Variants in MYLK3 observed in about 807,000 individuals in gnomAD.
MYLK3 encodes myosin light chain kinase 3.
A neutral mutation model predicts 76.3 loss-of-function variants in MYLK3; 55 were observed. The ratio of observed to expected loss-of-function variants is 0.72; its 90% confidence interval spans 0.58 to 0.90. The LOEUF (loss-of-function observed/expected upper bound fraction) is 0.90. MYLK3 is among the 40% of genes least tolerant of loss of function. The pLI, the probability that MYLK3 is intolerant of heterozygous loss-of-function variation, is 0.00. For missense variants in MYLK3, 973 were observed against 1,053.6 expected (o/e 0.92, Z 1.06); for synonymous variants, 416 against 425.4 (o/e 0.98, Z 0.27).
chr16:46,708,556 G>A (rs1380996070), intron 12 of MYLK3, among the ~76,000 whole-genome samples: 1 of 152,112 alleles, frequency 6.6e-6, no homozygotes, highest in African/African-American at 2.4e-5. Flanking sequence ...CTGAACTCAA[G>A]TGATCCTCCC....
chr16:46,707,919 A>C (rs1966642951), intron 12 of MYLK3, among the ~76,000 whole-genome samples, 156 bp from the exon 13 acceptor site: 1 of 152,218 alleles, frequency 6.6e-6, no homozygotes, highest in Admixed American at 6.5e-5. Context: ...TAATTATAGA[A>C]TAGTCACATG....
chr16:46,707,609 C>A lies in MYLK3; in HGVS notation c.*95G>T. 2 of 858,142 alleles carry A rather than the reference C, an allele frequency of 2.3e-6. No homozygotes were observed. Among genetic ancestry groups the A allele is most frequent in the Non-Finnish European group, 3.7e-6 (2 of 542,944 alleles). 53.2% of individuals were successfully genotyped at this position (858,142 alleles called of 1,614,324 possible). A position where few individuals can be genotyped will look rare whatever the true frequency, so the allele number is the denominator to read the frequency against. ...TACAAAATAAGTGGAATCAATAATA[C>A]CAAAAAGCCAAATTATTTAAATGTT... On this transcript the variant is annotated 3_prime_UTR_variant, in exon 13 of 13. Coordinates refer to ENST00000394809, the MANE Select transcript of MYLK3 (RefSeq NM_182493.3).
chr16:46,754,324 A>C (rs1291839184), intron 1 of MYLK3, among the ~76,000 whole-genome samples: 1 of 152,132 alleles, frequency 6.6e-6, no homozygotes, highest in Non-Finnish European at 1.5e-5. Flanking sequence ...AAAAAAAAAA[A>C]ACACATACTT....
intron 11 of MYLK3, 27 bp from the exon 12 acceptor site, chr16:46,709,698 T>C (rs751363675): frequency 6.2e-7 from 1 of 1,604,182 alleles, no homozygotes; most frequent in South Asian, 1.1e-5. Context: ...CAGTTAAGAC[T>C]TTTAGTTGGA....
intron 10 of MYLK3, chr16:46,711,608 T>G: frequency 2.3e-6 from 1 of 431,478 alleles, no homozygotes; most frequent in African/African-American, 2.0e-5. Flanking sequence ...ACTCCTGGGC[T>G]CAGGCAATCC....
chr16:46,756,485 G>C (rs542731585), intron 1 of MYLK3, among the ~76,000 whole-genome samples: 2 of 152,354 alleles, frequency 1.3e-5, no homozygotes, highest in East Asian at 3.9e-4. Context: ...TGCTTCTGGG[G>C]ACCAGGACAG....
At position 46,703,753 on chromosome 16, in the gene MYLK3, T is replaced by G. The variant is rs1032288431; in HGVS notation, c.*3951A>C. ...CCCTCAAAGGAACTTTGGAGGGAAA[T>G]TGTTTCTCTAGGTAAGGAATAACAG... On this transcript the variant is annotated 3_prime_UTR_variant, in exon 13 of 13. Coordinates refer to ENST00000394809, the MANE Select transcript of MYLK3 (RefSeq NM_182493.3). The G allele has an allele frequency of 2.0e-5, 3 of 153,722 alleles. No homozygotes were observed. The highest frequency in any genetic ancestry group is 4.8e-5 in the African/African-American group (2 of 41,438). 9.5% of individuals were successfully genotyped at this position (153,722 alleles called of 1,614,324 possible).
chr16:46,756,914 A>G (rs745766419), intron 1 of MYLK3, among the ~76,000 whole-genome samples: 10 of 152,096 alleles, frequency 6.6e-5, no homozygotes, highest in Non-Finnish European at 1.2e-4. Flanking sequence ...TCCCCGTCTG[A>G]CCGCAGACGG....
At chr16:46,752,418 A>C (rs1160554183), upstream of MYLK3, among the ~76,000 whole-genome samples, 1 of 152,048 alleles carries the variant, frequency 6.6e-6, no homozygotes, top group Non-Finnish European at 1.5e-5. Flanking sequence ...ATTTTTTTAA[A>C]TGTCGTCACC....
chr16:46,732,238 G>C lies in MYLK3; in HGVS notation c.1432C>G (p.Pro478Ala). Residue 478 changes from proline (P) to alanine (A), a missense_variant, in exon 4 of 13, where the codon CCA becomes GCA. By Grantham distance (27) the Pro-to-Ala change is conservative. Around this residue, in one of 2 missense-constraint regions of MYLK3, gnomAD observed 641 missense variants for 637.0 expected, o/e 1.01. Coordinates refer to ENST00000394809, the MANE Select transcript of MYLK3 (RefSeq NM_182493.3). ...VRAEAVRRMP[P>A]GAEAGSVVLD... ...ACCACGCTGCCAGCCTCGGCGCCTG[G>C]GGGCATCCTCCTTACTGCTTCAGCT... 1 of 1,594,120 alleles carries C rather than the reference G, an allele frequency of 6.3e-7. No individual in the cohort carries two copies. The highest frequency in any genetic ancestry group is 1.7e-4 in the Middle Eastern group (1 of 6,026).
At chr16:46,744,891 G>T (rs981558138) in intron 1 of MYLK3, among the ~76,000 whole-genome samples, 4 of 151,964 alleles carry the variant, frequency 2.6e-5, no homozygotes, top group African/African-American at 9.7e-5. Flanking sequence ...ATAGTATCAA[G>T]ATTATGTTTT....
In MYLK3 at chr16:46,738,036, C is replaced by T. The variant is rs778955220; in HGVS notation, c.676G>A (p.Gly226Arg). Residue 226 changes from glycine (G) to arginine (R), a missense_variant, in exon 3 of 13, where the codon GGA (glycine) becomes AGA (arginine). Gly to Arg is a moderately radical substitution (Grantham distance 125, BLOSUM62 -2). Around this residue, in one of 2 missense-constraint regions of MYLK3, gnomAD observed 641 missense variants for 637.0 expected, o/e 1.01. Transcript: ENST00000394809. ...PAQAVVSPGQ[G>R]DGVPGPAQAF... Reference sequence around the variant, plus strand: ...TGGGCTGGGCCAGGAACACCATCTCCCTGGCCCGGTGAGACCACTGCCTGG... The same window carrying T: ...TGGGCTGGGCCAGGAACACCATCTCTCTGGCCCGGTGAGACCACTGCCTGG... 6.2e-7 allele frequency: 1 copy of T among 1,611,916 alleles called. No homozygotes were observed. Among genetic ancestry groups the T allele is most frequent in the Non-Finnish European group, 8.5e-7 (1 of 1,179,782 alleles).
Position 46,732,537 on chromosome 16 carries a change from G to A in MYLK3, c.1133C>T (p.Thr378Ile). 6.2e-7 allele frequency: 1 copy of A among 1,602,498 alleles called. No homozygotes were observed. The highest frequency in any genetic ancestry group is 8.5e-7 in the Non-Finnish European group (1 of 1,179,700). Residue 378 changes from threonine to isoleucine, a missense_variant, in exon 4 of 13, where the codon ACC (threonine) becomes ATC (isoleucine). This residue lies in a region of MYLK3 where 641 missense variants were observed against 637.0 expected (regional missense o/e 1.01). Coordinates refer to ENST00000394809, the MANE Select transcript of MYLK3 (RefSeq NM_182493.3). ...AQPGKQGPPG[T>I]GRCLQAPGTE... ...CCCAGGGGCTTGGAGGCAGCGCCCG[G>A]TCCCAGGTGGGCCCTGCTTGCCTGG...
intron 3 of MYLK3, among the ~76,000 whole-genome samples, chr16:46,734,394 A>G (rs1236248810): frequency 6.6e-6 from 1 of 152,146 alleles, no homozygotes; most frequent in African/African-American, 2.4e-5. Context: ...AGAATGGATC[A>G]CCTGAGATCA....
At position 46,709,654 on chromosome 16, in the gene MYLK3, G is replaced by A. The variant is rs1429320327; in HGVS notation, c.2285C>T (p.Thr762Ile). The change falls in exon 12 of 13, where the codon ACA becomes ATA. Residue 762 changes from threonine (T) to isoleucine (I), a missense_variant. Physicochemically the swap from Thr to Ile is moderately conservative, Grantham distance 89. Around this residue, in one of 2 missense-constraint regions of MYLK3, gnomAD observed 332 missense variants for 416.6 expected, o/e 0.80. Coordinates refer to ENST00000394809, the MANE Select transcript of MYLK3 (RefSeq NM_182493.3). ...VKEKSCRMSA[T>I]QCLKHEWLNN... The stretch of plus-strand genomic sequence containing the variant: ...CAGCCACTCGTGTTTCAGGCACTGT[G>A]TGGCACTCATTCTGCAGCTGTGAAA... 3 of 1,612,798 alleles carry A rather than the reference G, an allele frequency of 1.9e-6. No homozygotes were observed. The highest frequency in any genetic ancestry group is 2.5e-6 in the Non-Finnish European group (3 of 1,179,716).
At chr16:46,742,705 A>G (rs986208549) in intron 1 of MYLK3, among the ~76,000 whole-genome samples, 3 of 152,186 alleles carry the variant, frequency 2.0e-5, no homozygotes, top group African/African-American at 7.2e-5. Context: ...TCTGAACAGT[A>G]AGGACATAGC....
rs528743192 is a variant in MYLK3 at position 46,718,680 on chromosome 16, T to A, written c.1985+2443A>T. On this transcript the variant is annotated intron_variant, in intron 9 of 12. Coordinates refer to ENST00000394809, the MANE Select transcript of MYLK3 (RefSeq NM_182493.3). ...ACTACTTCTGCATGGAAAACAGCCA[T>A]CAGGGCCAGGCGTGGTGGCTCACGC... Among the ~76,000 whole-genome samples, 2 of 152,276 alleles carry A rather than the reference T, an allele frequency of 1.3e-5. 1 individual carries two copies. The highest frequency in any genetic ancestry group is 4.1e-4 in the South Asian group (2 of 4,826).
At position 46,732,503 on chromosome 16, in the gene MYLK3, G is replaced by A. The variant is rs554717904; in HGVS notation, c.1167C>T (p.Pro389=). 30 of 1,607,152 alleles carry A rather than the reference G, an allele frequency of 1.9e-5. No homozygotes were observed. In the East Asian group the frequency reaches 4.0e-4, roughly 21 times the overall value. ...TGGCTCCTTCAGGGGTCTGTTCTCC[G>A]GGCTCAGTCCCAGGGGCTTGGAGGC... ...GRCLQAPGTE[P]GEQTPEGARE... Residue 389 remains proline (P), a synonymous_variant, in exon 4 of 13, where the codon CCC becomes CCT. Transcript: ENST00000394809.
intron 9 of MYLK3, among the ~76,000 whole-genome samples, chr16:46,719,539 G>A (rs1313139178): frequency 1.3e-5 from 2 of 152,090 alleles, no homozygotes; most frequent in Admixed American, 6.6e-5. Flanking sequence ...CATGCCGTGG[G>A]CAGGAGCTCT....
Sources: gnomAD v4.1 joint callset for allele counts (sites outside exome capture counted in the v4.1 genomes callset) on GRCh38, gnomAD v4.1.1 for gene constraint, gnomAD v4.1.1 regional missense constraint, MANE v1.5 for transcripts, NCBI Gene and HGNC (gene_info 2026-07-23, HGNC 2026-07-21) for gene names.